The following DNAAF11 variants were observed in gnomAD, a reference collection of about 807,000 sequenced individuals.
DNAAF11 encodes dynein axonemal assembly factor 11.
In DNAAF11, 45 loss-of-function variants were observed where a neutral mutation model predicts 60.8. That is an observed-to-expected ratio of 0.74 (90% confidence interval 0.58 to 0.95). The LOEUF is 0.95. DNAAF11 is among the 40% of genes least tolerant of loss of function. The probability of loss-of-function intolerance (pLI) is 0.00; values close to 1 mark genes in which losing one functional copy is unlikely to be tolerated. For missense variants in DNAAF11, 546 were observed against 546.2 expected (o/e 1.00, Z 0.00); for synonymous variants, 191 against 183.5 (o/e 1.04, Z -0.33).
intron 3 of DNAAF11, among the ~76,000 whole-genome samples, chr8:132,646,295 T>C (rs1470623797): frequency 6.6e-6 from 1 of 152,154 alleles, no homozygotes; most frequent in Admixed American, 6.5e-5. Flanking sequence ...CTGAGAGATT[T>C]TGTCACCACC....
At chr8:132,619,402 A>T (rs1291087401) in intron 7 of DNAAF11, among the ~76,000 whole-genome samples, 2 of 152,150 alleles carry the variant, frequency 1.3e-5, no homozygotes, top group Non-Finnish European at 2.9e-5. Context: ...TACATATGTA[A>T]CTGACCTGCA....
At chr8:132,642,375 T>C (rs1217660852) in intron 3 of DNAAF11, among the ~76,000 whole-genome samples, 1 of 152,248 alleles carries the variant, frequency 6.6e-6, no homozygotes, top group Non-Finnish European at 1.5e-5. Context: ...TGTGCACTCA[T>C]GCTATTTCTC....
At chr8:132,680,280 T>C (rs1281213805), upstream of DNAAF11, among the ~76,000 whole-genome samples, 3 of 152,224 alleles carry the variant, frequency 2.0e-5, no homozygotes, top group Admixed American at 1.3e-4. Context: ...CTTATTTCTT[T>C]GGCTGCTGGA....
intron 6 of DNAAF11, among the ~76,000 whole-genome samples, chr8:132,624,582 T>C (rs1209958872): frequency 6.6e-6 from 1 of 152,190 alleles, no homozygotes; most frequent in African/African-American, 2.4e-5. Flanking sequence ...TATTGTGTTT[T>C]GTTTCACTTG....
At chr8:132,642,758 A>G (rs1821982787) in intron 3 of DNAAF11, among the ~76,000 whole-genome samples, 1 of 152,234 alleles carries the variant, frequency 6.6e-6, no homozygotes, top group South Asian at 2.1e-4. Context: ...CTATCTGGCA[A>G]CAGATACTTG....
intron 10 of DNAAF11, among the ~76,000 whole-genome samples, chr8:132,587,395 A>G (rs1364580096): frequency 6.6e-6 from 1 of 152,214 alleles, no homozygotes; most frequent in African/African-American, 2.4e-5. Context: ...TAATGCCAAC[A>G]TTCATAATAA....
the DNAAF11 span, among the ~76,000 whole-genome samples, chr8:132,699,193 G>A: frequency 5.7e-3 from 859 of 151,930 alleles, 2 homozygotes; most frequent in Non-Finnish European, 8.2e-3. Flanking sequence ...CAGGGGTGGC[G>A]TGCCTGAATA....
intron 10 of DNAAF11, among the ~76,000 whole-genome samples, chr8:132,604,082 A>C (rs1159304182): frequency 6.6e-6 from 1 of 152,190 alleles, no homozygotes; most frequent in Non-Finnish European, 1.5e-5. Context: ...AATTTCAGGA[A>C]TGAGCTTCAG....
intron 3 of DNAAF11, among the ~76,000 whole-genome samples, chr8:132,641,392 G>A (rs532475153): frequency 5.4e-4 from 82 of 152,180 alleles, no homozygotes; most frequent in Middle Eastern, 3.4e-3. Flanking sequence ...GAGTGTTTAT[G>A]ACCTGTCTTC....
At chr8:132,670,960 C>A (rs1320044912) in intron 1 of DNAAF11, among the ~76,000 whole-genome samples, 4 of 152,072 alleles carry the variant, frequency 2.6e-5, no homozygotes, top group Non-Finnish European at 4.4e-5. Flanking sequence ...CTCAACTTGA[C>A]AAGGAGCATC....
At chr8:132,620,438 G>A (rs936753578) in intron 7 of DNAAF11, among the ~76,000 whole-genome samples, 36 of 152,270 alleles carry the variant, frequency 2.4e-4, no homozygotes, top group African/African-American at 8.2e-4. Flanking sequence ...AGGTTCAAGC[G>A]ATTCTCGTGT....
rs149310416 is a variant in DNAAF11, at chr8:132,653,631, C to T, written c.256+3199G>A. Among the ~76,000 whole-genome samples the T allele has an allele frequency of 4.4e-3, 673 of 151,854 alleles. 3 individuals are homozygous for T. Among genetic ancestry groups the T allele is most frequent in the Non-Finnish European group, 7.5e-3 (509 of 67,884 alleles). On this transcript the variant is annotated intron_variant, in intron 3 of 11. Transcript: ENST00000620350. Reference sequence around the variant, plus strand: ...TGATATGTGACAATAACAGCATAAACGAAGGGAGGAAAACTAAACTATACA... The same window carrying T: ...TGATATGTGACAATAACAGCATAAATGAAGGGAGGAAAACTAAACTATACA...
the DNAAF11 span, among the ~76,000 whole-genome samples, chr8:132,684,203 G>C: frequency 6.6e-6 from 1 of 152,150 alleles, no homozygotes; most frequent in Admixed American, 6.5e-5. Context: ...AGTTTCATCA[G>C]TTCACTAGAT....
intron 9 of DNAAF11, 91 bp downstream of exon 9, chr8:132,611,203 A>G: frequency 1.1e-6 from 1 of 951,184 alleles, no homozygotes; most frequent in Non-Finnish European, 1.6e-6. Context: ...CCCTTTTTCT[A>G]TTTTAATAAT....
At chr8:132,657,798 C>A (rs1823731924) in intron 2 of DNAAF11, among the ~76,000 whole-genome samples, 1 of 152,110 alleles carries the variant, frequency 6.6e-6, no homozygotes, top group South Asian at 2.1e-4. Flanking sequence ...TCATAATAAC[C>A]CTATGAGGTC....
chr8:132,672,668 G>C (rs932036556), intron 1 of DNAAF11, among the ~76,000 whole-genome samples: 2 of 152,172 alleles, frequency 1.3e-5, no homozygotes, highest in Admixed American at 6.5e-5. Flanking sequence ...TACACACACA[G>C]AGAAACTTTC....
Position 132,611,403 on chromosome 8 carries a change from A to C in DNAAF11, c.975-40T>G. On this transcript the variant is annotated intron_variant, in intron 8 of 11. Coordinates refer to ENST00000620350, the MANE Select transcript of DNAAF11 (RefSeq NM_012472.6). ...ACAGAAAATCTTATAATTTTAAAAA[A>C]TATCAAGTTTGAATAAGTGCAAATA... is the stretch of plus-strand genomic sequence containing the variant. 2.4e-6 allele frequency: 3 copies of C among 1,236,926 alleles called. No homozygotes were observed. The South Asian group carries it at 3.8e-5, about 16-fold the overall frequency. The allele number at this position is 1,236,926 out of a possible 1,614,324, so 76.6% of individuals were successfully genotyped here.
Position 132,625,313 on chromosome 8 carries a change from A to G in DNAAF11, c.795T>C (p.Leu265=), listed in dbSNP as rs1254907211. Residue 265 remains leucine (L), a synonymous_variant, in exon 6 of 12, where the codon CTT becomes CTC. Transcript: ENST00000620350. ...LFTPESRLET[L]RHMEKQRKKQ... ...TCTTCCGTTGTTTTTCCATGTGTCT[A>G]AGAGTTTCCAATCTTGATTCAGGAG... 1.2e-6 allele frequency: 2 copies of G among 1,613,010 alleles called. No individual in the cohort carries two copies. The highest frequency in any genetic ancestry group is 2.2e-5 in the East Asian group (1 of 44,852).
chr8:132,697,495 G>A, the DNAAF11 span, among the ~76,000 whole-genome samples: 1 of 152,098 alleles, frequency 6.6e-6, no homozygotes, highest in Non-Finnish European at 1.5e-5. Context: ...GCATGCACCT[G>A]TAATCCCCGC....
Sources: allele counts gnomAD v4.1 joint callset (sites outside exome capture counted in the v4.1 genomes callset), GRCh38; gene constraint gnomAD v4.1.1; transcripts MANE v1.5; gene names NCBI Gene and HGNC (gene_info 2026-07-23, HGNC 2026-07-21).